The following MAEL variants were observed in gnomAD, a reference collection of about 807,000 sequenced individuals.
MAEL encodes the protein maelstrom spermatogenic transposon silencer.
Under a neutral mutation model 62.0 loss-of-function variants are expected in MAEL, and 46 were observed. The observed-to-expected ratio is 0.74, with a 90% CI of 0.59 to 0.95. The LOEUF (loss-of-function observed/expected upper bound fraction) is 0.95. Ranked by LOEUF, MAEL falls within the 40% of genes least tolerant of loss-of-function variation. MAEL has a pLI of 0.00. For missense variants in MAEL, 497 were observed against 526.8 expected, an observed-to-expected ratio of 0.94 and a Z score of 0.55; for synonymous variants, 172 against 175.5, an observed-to-expected ratio of 0.98 and a Z score of 0.16.
intron 5 of MAEL, among the ~76,000 whole-genome samples, chr1:166,998,614 GTA>G (rs1664528353): frequency 6.6e-6 from 1 of 152,180 alleles, no homozygotes; most frequent in Admixed American, 6.5e-5. Context: ...GCTATTTGCT[GTA>G]GTTTCTTCTT....
intron 1 of MAEL, among the ~76,000 whole-genome samples, chr1:166,982,538 T>C (rs1663788788): frequency 6.6e-6 from 1 of 152,208 alleles, no homozygotes; most frequent in South Asian, 2.1e-4. Context: ...CGCTGAATAA[T>C]GTTGGCCTTC....
Position 166,994,060 on chromosome 1 carries a change from C to G in MAEL, c.514C>G (p.Gln172Glu). ...TCCACGAGGATTTCGATTTCATTGT[C>G]AGGCTGCAAGTAAGTATAAAGGAAT... The part of the protein sequence containing the change: ...EIPRGFRFHC[Q>E]AASDSSHKIP... The change falls in exon 5 of 12, where the codon CAG becomes GAG. Residue 172 changes from glutamine (Q) to glutamate (E), a missense_variant. Coordinates refer to ENST00000367872, the MANE Select transcript of MAEL (RefSeq NM_032858.3). The G allele has an allele frequency of 6.2e-7, 1 of 1,613,144 alleles. No homozygotes were observed. The highest frequency in any genetic ancestry group is 8.5e-7 in the Non-Finnish European group (1 of 1,179,524).
At chr1:167,006,360 G>C (rs1369885811) in intron 8 of MAEL, among the ~76,000 whole-genome samples, 1 of 151,736 alleles carries the variant, frequency 6.6e-6, no homozygotes, top group Non-Finnish European at 1.5e-5. Context: ...TTTGAGTACA[G>C]GCCAGTTACT....
At position 167,005,700 on chromosome 1, in the gene MAEL, A is replaced by G. The variant is rs570073287; in HGVS notation, c.845+303A>G. The G allele has an allele frequency of 7.8e-5, 15 of 191,640 alleles. 1 individual carries two copies. In the East Asian group the frequency reaches 1.6e-3, roughly 20 times the overall value. The allele number at this position is 191,640 out of a possible 1,614,324, so 11.9% of individuals were successfully genotyped here. On this transcript the variant is annotated intron_variant, in intron 8 of 11. Transcript: ENST00000367872. ...TAGAACTCTTGTACTTACATGTAAA[A>G]GAATATATAAGTGAAATAAATTGGC...
At chr1:166,991,528 A>T in intron 3 of MAEL, 51 bp downstream of exon 3, 1 of 1,039,628 alleles carries the variant, frequency 9.6e-7, no homozygotes, top group Non-Finnish European at 1.5e-6. Flanking sequence ...TGCCCAAAAC[A>T]CTATATTTGT....
chr1:167,000,234 T>A (rs1359699079), intron 5 of MAEL, among the ~76,000 whole-genome samples: 1 of 152,188 alleles, frequency 6.6e-6, no homozygotes, highest in Non-Finnish European at 1.5e-5. Flanking sequence ...GATTCACCAT[T>A]CTAGATGCCA....
chr1:166,976,562 A>C (rs554817074), intron 1 of MAEL, among the ~76,000 whole-genome samples: 1 of 152,316 alleles, frequency 6.6e-6, no homozygotes, highest in Admixed American at 6.5e-5. Context: ...ACCACGATAA[A>C]GGAGGGGTAA....
At chr1:166,993,911 T>A (rs1664296467) in intron 4 of MAEL, 117 bp from the exon 5 acceptor site, 1 of 692,382 alleles carries the variant, frequency 1.4e-6, no homozygotes, top group Non-Finnish European at 2.4e-6. Context: ...ATCTTTTGTA[T>A]TTTCATGTAA....
chr1:166,993,732 G>A (rs1664290047), intron 4 of MAEL, among the ~76,000 whole-genome samples: 1 of 152,136 alleles, frequency 6.6e-6, no homozygotes, highest in Non-Finnish European at 1.5e-5. Context: ...ATGACCCCCT[G>A]AGGCCCATTC....
upstream of MAEL, among the ~76,000 whole-genome samples, chr1:166,988,502 A>C (rs1356008890): frequency 6.6e-6 from 1 of 152,182 alleles, no homozygotes; most frequent in Non-Finnish European, 1.5e-5. Flanking sequence ...GACCCGAGAA[A>C]GGAATTTTCT....
At chr1:167,010,381 TG>T (rs1557984702) in intron 8 of MAEL, among the ~76,000 whole-genome samples, 1 of 152,054 alleles carries the variant, frequency 6.6e-6, no homozygotes, top group Non-Finnish European at 1.5e-5. Context: ...CATGTTTTTT[TG>T]GGGGGTGGGG....
chr1:166,989,907 G>A (rs1468464287), intron 2 of MAEL, 78 bp downstream of exon 2: 5 of 1,144,952 alleles, frequency 4.4e-6, no homozygotes, highest in Non-Finnish European at 6.3e-6. Context: ...GTGAATGAGT[G>A]AATGTCAAGG....
rs141476246 is a variant in MAEL, at chr1:167,021,712, G to A, written c.1162G>A (p.Val388Ile). Residue 388 changes from valine (V) to isoleucine (I), a missense_variant, in exon 12 of 12, where the codon GTT (valine) becomes ATT (isoleucine). Transcript: ENST00000367872. Reference sequence around the variant, plus strand: ...AAAAATTTCTGGCCAAAACAGCAGCGTTCGGGGAAGAGGAATTACCCGCTT... The same window carrying A: ...AAAAATTTCTGGCCAAAACAGCAGCATTCGGGGAAGAGGAATTACCCGCTT... ...RAKISGQNSS[V>I]RGRGITRLLE... is the part of the protein sequence containing the mutation. 35 of 1,612,562 alleles carry A rather than the reference G, an allele frequency of 2.2e-5. No individual in the cohort carries two copies. The highest frequency in any genetic ancestry group is 3.4e-5 in the Admixed American group (2 of 59,648).
chr1:167,021,844 T>C lies in MAEL; in HGVS notation c.1294T>C (p.Ser432Pro), dbSNP rs143050038. The part of the protein sequence containing the change: ...SQKDGYKSFS[S>P]LS ...AAAAGATGGATACAAATCTTTCTCT[T>C]CCTTATCTTAATGATGGTACTCTTT... Residue 432 changes from serine to proline, a missense_variant, in exon 12 of 12, where the codon TCC (serine) becomes CCC (proline). Physicochemically the swap from Ser to Pro is moderately conservative, Grantham distance 74 (BLOSUM62 -1). Coordinates refer to ENST00000367872, the MANE Select transcript of MAEL (RefSeq NM_032858.3). 1.0e-5 allele frequency: 16 copies of C among 1,604,898 alleles called. No individual in the cohort carries two copies. The African/African-American group carries it at 2.0e-4, about 20-fold the overall frequency.
intron 5 of MAEL, among the ~76,000 whole-genome samples, chr1:167,002,056 C>A (rs916349499): frequency 6.6e-6 from 1 of 152,202 alleles, no homozygotes; most frequent in Non-Finnish European, 1.5e-5. Flanking sequence ...GCTGGGATTA[C>A]AGGCGTGAGC....
At chr1:166,983,340 C>T (rs190108706) in intron 1 of MAEL, among the ~76,000 whole-genome samples, 13 of 152,248 alleles carry the variant, frequency 8.5e-5, no homozygotes, top group Admixed American at 5.9e-4. Context: ...GGCTTCTAAA[C>T]GCTAGTGTTC....
At chr1:167,017,689 T>C (rs1418337402) in intron 9 of MAEL, 138 bp from the exon 10 acceptor site, 1 of 658,012 alleles carries the variant, frequency 1.5e-6, no homozygotes, top group African/African-American at 1.8e-5. Context: ...ATATGTCTTC[T>C]CTGAATCTCC....
rs764824602 is a variant in MAEL, at chr1:167,018,011, T to C, written c.1041+52T>C. 4 of 1,558,360 alleles carry C rather than the reference T, an allele frequency of 2.6e-6. No homozygotes were observed. The South Asian group carries it at 4.9e-5, about 19-fold the overall frequency. ...TGGTCTCTTTAGCTGTTCTACTCAA[T>C]GTGATTCTGGCCAACAGAAACAAAA... is the stretch of plus-strand genomic sequence containing the variant. On this transcript the variant is annotated intron_variant, in intron 10 of 11. Transcript: ENST00000367872.
In MAEL at chr1:166,995,733, T is replaced by G. The variant is rs1358576581; in HGVS notation, c.523+1664T>G. Among the ~76,000 whole-genome samples, 9 of 152,258 alleles carry G rather than the reference T, an allele frequency of 5.9e-5. No homozygotes were observed. The South Asian group carries it at 1.7e-3, about 28-fold the overall frequency. On this transcript the variant is annotated intron_variant, in intron 5 of 11. Coordinates refer to ENST00000367872, the MANE Select transcript of MAEL (RefSeq NM_032858.3). ...TAGCCGGTGAATTAATTTTCAAGTT[T>G]TACTTAGACTCTGTTTCAGGTTTAT...
Sources: allele counts gnomAD v4.1 joint callset (sites outside exome capture counted in the v4.1 genomes callset), GRCh38; gene constraint gnomAD v4.1.1; transcripts MANE v1.5; gene names NCBI Gene and HGNC (gene_info 2026-07-23, HGNC 2026-07-21).